Variants in UGGT2 observed in about 807,000 individuals in gnomAD.
The protein encoded by UGGT2 is UDP-glucose:glycoprotein glucosyltransferase 2.
In UGGT2, 180 loss-of-function variants were observed where a neutral mutation model predicts 192.1. That is an observed-to-expected ratio of 0.94 (90% CI 0.83 to 1.06). UGGT2 has a LOEUF of 1.06. UGGT2 is among the 50% of genes least tolerant of loss of function. The pLI, the probability that UGGT2 is intolerant of heterozygous loss-of-function variation, is 0.00. For synonymous variants in UGGT2, 580 were observed against 591.0 expected, an observed-to-expected ratio of 0.98 and a Z score of 0.27; for missense variants, 1,849 against 1,795.7, an observed-to-expected ratio of 1.03 and a Z score of -0.54.
chr13:95,921,806 A>G (rs2048853370), intron 20 of UGGT2, among the ~76,000 whole-genome samples: 1 of 152,196 alleles, frequency 6.6e-6, no homozygotes, highest in African/African-American at 2.4e-5. Context: ...TGCAGAGAAA[A>G]AGGGAATGCC....
Position 95,853,578 on chromosome 13 carries a change from T to C in UGGT2, c.4249A>G (p.Ser1417Gly). ...TTTGAAAGACTGTTTGGATCTTGAC[T>C]GAGAGCTTGATACTGGCTCCTGAGC... ...DRLRSQYQAL[S>G]QDPNSLSNLD... Residue 1417 changes from serine to glycine, a missense_variant, in exon 36 of 39, where the codon AGT becomes GGT. Ser to Gly is a moderately conservative substitution (Grantham distance 56). Transcript: ENST00000376747. The C allele has an allele frequency of 6.2e-7, 1 of 1,611,636 alleles. No homozygotes were observed. The highest frequency in any genetic ancestry group is 8.5e-7 in the Non-Finnish European group (1 of 1,179,180).
intron 4 of UGGT2, among the ~76,000 whole-genome samples, chr13:96,021,705 A>G (rs1438152111): frequency 6.6e-6 from 1 of 152,220 alleles, no homozygotes; most frequent in East Asian, 1.9e-4. Context: ...ATTTCAAAGT[A>G]TTTTGTAATA....
rs531473702 is a variant in UGGT2 at position 95,848,651 on chromosome 13, T to G, written c.4284+4892A>C. ...TTCCATTGATCTATTTTTCTATTCT[T>G]TTGCCAACATACTGTCTTGATTACT... On this transcript the variant is annotated intron_variant, in intron 36 of 38. Transcript: ENST00000376747. Among the ~76,000 whole-genome samples, 170 of 152,334 alleles carry G rather than the reference T, an allele frequency of 1.1e-3. 2 individuals carry two copies. The highest frequency in any genetic ancestry group is 2.2e-3 in the Non-Finnish European group (147 of 68,012).
chr13:95,877,928 T>C, intron 27 of UGGT2, 72 bp from the exon 28 acceptor site: 4 of 1,434,846 alleles, frequency 2.8e-6, no homozygotes, highest in Non-Finnish European at 3.7e-6. Context: ...AATAAATAAA[T>C]GTGATTATTT....
intron 38 of UGGT2, among the ~76,000 whole-genome samples, chr13:95,814,835 AT>A (rs2139754305): frequency 6.6e-6 from 1 of 152,296 alleles, no homozygotes; most frequent in East Asian, 1.9e-4. Context: ...CTTTAAGAAA[AT>A]TTCAGGAAAT....
At chr13:95,991,223 C>A (rs907872644) in intron 7 of UGGT2, 4 of 235,920 alleles carry the variant, frequency 1.7e-5, no homozygotes, top group Non-Finnish European at 3.5e-5. Flanking sequence ...ATTTATAATC[C>A]TTTGGGTATA....
chr13:95,914,694 C>G (rs982652211), intron 20 of UGGT2, among the ~76,000 whole-genome samples: 2 of 147,222 alleles, frequency 1.4e-5, no homozygotes, highest in Non-Finnish European at 3.0e-5. Context: ...CAACCACATG[C>G]GAGGCTGAGG....
chr13:96,017,361 T>C (rs2052371142), intron 4 of UGGT2, among the ~76,000 whole-genome samples: 1 of 152,176 alleles, frequency 6.6e-6, no homozygotes, highest in African/African-American at 2.4e-5. Flanking sequence ...GGGCCCCCCT[T>C]ACTCTCTTGC....
At chr13:96,045,708 T>C (rs374627675) in intron 1 of UGGT2, among the ~76,000 whole-genome samples, 30 of 152,002 alleles carry the variant, frequency 2.0e-4, no homozygotes, top group African/African-American at 7.2e-4. Context: ...AAACTGAGAA[T>C]CTAATCAAGA....
In UGGT2 at chr13:96,019,132, G is replaced by C. The variant is rs918068456; in HGVS notation, c.485+3908C>G. Among the ~76,000 whole-genome samples the C allele has an allele frequency of 7.2e-4, 92 of 127,680 alleles. 7 individuals carry two copies. Among genetic ancestry groups the C allele is most frequent in the Non-Finnish European group, 1.1e-3 (68 of 59,174 alleles). The allele number at this position is 127,680 out of a possible 152,430, so 83.8% of individuals were successfully genotyped here. A position where few individuals can be genotyped will look rare whatever the true frequency, so the allele number is the denominator to read the frequency against. On this transcript the variant is annotated intron_variant, in intron 4 of 38. Transcript: ENST00000376747. ...CTTTGCCCTACATAGCGGGGGGGGG[G>C]GGGGGGAATGTTTCTGTCAGGCTGT...
rs776090238 is a variant in UGGT2, at chr13:95,940,117, A to T, written c.1678-26T>A. The T allele has an allele frequency of 1.5e-5, 21 of 1,403,094 alleles. No individual in the cohort carries two copies. In the Admixed American group the frequency reaches 2.2e-4, roughly 14 times the overall value. The allele number at this position is 1,403,094 out of a possible 1,614,324, so 86.9% of individuals were successfully genotyped here. A position where few individuals can be genotyped will look rare whatever the true frequency, so the allele number is the denominator to read the frequency against. ...CTGTGAAAATTTAGATATTATAATTAATTTTCTTCTTATAGCAATTAGTTT... is the reference window on the plus strand; with the variant it reads ...CTGTGAAAATTTAGATATTATAATTTATTTTCTTCTTATAGCAATTAGTTT... On this transcript the variant is annotated intron_variant, in intron 15 of 38. Coordinates refer to ENST00000376747, the MANE Select transcript of UGGT2 (RefSeq NM_020121.4).
In UGGT2 at chr13:95,931,862, G is replaced by A. The variant is rs978312184; in HGVS notation, c.1978-4526C>T. Among the ~76,000 whole-genome samples the A allele has an allele frequency of 5.3e-5, 8 of 151,738 alleles. 1 individual carries two copies. Among genetic ancestry groups the A allele is most frequent in the South Asian group, 4.2e-4 (2 of 4,810 alleles). On this transcript the variant is annotated intron_variant, in intron 17 of 38. Coordinates refer to ENST00000376747, the MANE Select transcript of UGGT2 (RefSeq NM_020121.4). The stretch of plus-strand genomic sequence containing the variant: ...AGCAGAGGGAGCCGGCTCCGGCCTC[G>A]GACAGCCCAGAGAGGGGCCCCCACA...
At chr13:95,935,729 G>C (rs2049441514) in intron 17 of UGGT2, among the ~76,000 whole-genome samples, 1 of 152,086 alleles carries the variant, frequency 6.6e-6, no homozygotes, top group African/African-American at 2.4e-5. Context: ...ATGTTTTCCT[G>C]GTTGTTTACT....
At chr13:95,861,480 T>A (rs1890162302) in intron 31 of UGGT2, among the ~76,000 whole-genome samples, 1 of 152,130 alleles carries the variant, frequency 6.6e-6, no homozygotes. Flanking sequence ...CTGGTTTACA[T>A]CATGGTAGCG....
intron 12 of UGGT2, among the ~76,000 whole-genome samples, chr13:95,957,649 C>CCA (rs765055085): frequency 9.9e-5 from 15 of 152,210 alleles, no homozygotes; most frequent in Non-Finnish European, 1.6e-4. Flanking sequence ...AACTGCTCCT[C>CCA]CACACACAGA....
At chr13:95,909,799 TAAAAA>T (rs1172371428) in intron 20 of UGGT2, among the ~76,000 whole-genome samples, 1 of 76,180 alleles carries the variant, frequency 1.3e-5, no homozygotes, top group South Asian at 5.1e-4. Context: ...TCCTGCCCAC[TAAAAA>T]AAAAAAAAAA....
At chr13:96,004,192 A>G (rs1039862845) in intron 5 of UGGT2, among the ~76,000 whole-genome samples, 1 of 150,066 alleles carries the variant, frequency 6.7e-6, no homozygotes, top group Non-Finnish European at 1.5e-5. Context: ...AAAAAAAAAC[A>G]TATTTGTTTT....
intron 27 of UGGT2, among the ~76,000 whole-genome samples, chr13:95,884,095 A>G (rs2047576595): frequency 6.6e-6 from 1 of 150,642 alleles, no homozygotes; most frequent in African/African-American, 2.4e-5. Flanking sequence ...AACCAACAAC[A>G]ACAAAACAAT....
At chr13:95,862,746 G>A (rs1360377800) in intron 31 of UGGT2, among the ~76,000 whole-genome samples, 1 of 152,154 alleles carries the variant, frequency 6.6e-6, no homozygotes. Context: ...AAATGGAGGA[G>A]ACACAGAAAA....
Sources: allele counts gnomAD v4.1 joint callset (sites outside exome capture counted in the v4.1 genomes callset), GRCh38; gene constraint gnomAD v4.1.1; transcripts MANE v1.5; gene names NCBI Gene and HGNC (gene_info 2026-07-23, HGNC 2026-07-21).